PDE1A: variants seen among roughly 807,000 people sequenced by gnomAD.
The protein encoded by PDE1A is phosphodiesterase 1A.
Under a neutral mutation model 61.7 loss-of-function variants are expected in PDE1A, and 35 were observed. The observed-to-expected ratio is 0.57, with a 90% CI of 0.43 to 0.75. The LOEUF is 0.75. Among genes scored for constraint, PDE1A ranks in the 30% least tolerant of loss-of-function variants. PDE1A has a pLI of 0.00. For synonymous variants in PDE1A, 232 were observed against 213.2 expected, an observed-to-expected ratio of 1.09 and a Z score of -0.77; for missense variants, 597 against 630.6, an observed-to-expected ratio of 0.95 and a Z score of 0.57.
At chr2:182,587,905 G>C in the PDE1A span, among the ~76,000 whole-genome samples, 2 of 152,158 alleles carry the variant, frequency 1.3e-5, no homozygotes, top group Non-Finnish European at 2.9e-5. Flanking sequence ...TTTAGCATGA[G>C]AGAGAAAACA....
chr2:182,420,436 C>G (rs16823207), intron 1 of PDE1A, among the ~76,000 whole-genome samples: 5,901 of 152,184 alleles, frequency 0.039, 138 homozygotes, highest in Middle Eastern at 0.071. Flanking sequence ...GACAAAGATA[C>G]AGCCCTACTG....
At chr2:182,341,452 T>C (rs1282669469) in intron 1 of PDE1A, among the ~76,000 whole-genome samples, 1 of 152,234 alleles carries the variant, frequency 6.6e-6, no homozygotes, top group East Asian at 1.9e-4. Flanking sequence ...CCATTGTTAA[T>C]CGTCTTTGTT....
downstream of PDE1A, among the ~76,000 whole-genome samples, chr2:182,165,801 G>A (rs1574532782): frequency 6.6e-6 from 1 of 152,236 alleles, no homozygotes; most frequent in Admixed American, 6.5e-5. Flanking sequence ...ATTTTGTTAA[G>A]AATACATTTG....
At chr2:182,497,143 ATTG>A (rs1219301423) in intron 2 of PDE1A, among the ~76,000 whole-genome samples, 1 of 152,202 alleles carries the variant, frequency 6.6e-6, no homozygotes, top group Non-Finnish European at 1.5e-5. Context: ...TGTATTTATC[ATTG>A]TTATCTCCTA....
the PDE1A span, among the ~76,000 whole-genome samples, chr2:182,627,288 A>AATATATATTATATATAAATAAAAT: frequency 1.0e-5 from 1 of 97,768 alleles, no homozygotes; most frequent in African/African-American, 4.4e-5. Flanking sequence ...ATAAAATATA[A>AATATATATTATATATAAATAAAAT]ATATATATTA....
chr2:182,514,531 T>C (rs1690016156), intron 2 of PDE1A, among the ~76,000 whole-genome samples: 1 of 152,044 alleles, frequency 6.6e-6, no homozygotes, highest in Non-Finnish European at 1.5e-5. Context: ...TATAACCATC[T>C]GATCTCCAAC....
the PDE1A span, among the ~76,000 whole-genome samples, chr2:182,634,387 A>G: frequency 3.3e-5 from 5 of 152,206 alleles, no homozygotes; most frequent in Non-Finnish European, 7.3e-5. Context: ...GTGAAGAGAA[A>G]GCAGCTTTCT....
rs142940623 is a variant in PDE1A at position 182,247,556 on chromosome 2, C to T, written c.168-7264G>A. ...TTCTTACTTATTCATTTTCCCTTTCCCTCGTACCCGCCTTGTACTCTGTGT... is the reference window on the plus strand; with the variant it reads ...TTCTTACTTATTCATTTTCCCTTTCTCTCGTACCCGCCTTGTACTCTGTGT... On this transcript the variant is annotated intron_variant, in intron 2 of 13. Transcript: ENST00000351439. Among the ~76,000 whole-genome samples, 244 of 152,268 alleles carry T rather than the reference C, an allele frequency of 1.6e-3. 3 individuals are homozygous for T. The South Asian group carries it at 0.04, about 25-fold the overall frequency.
chr2:182,401,543 T>C (rs1198370216), intron 1 of PDE1A, among the ~76,000 whole-genome samples: 1 of 152,142 alleles, frequency 6.6e-6, no homozygotes, highest in South Asian at 2.1e-4. Flanking sequence ...GAGCTATTTA[T>C]GAAAAACACA....
intron 1 of PDE1A, among the ~76,000 whole-genome samples, chr2:182,366,773 G>A (rs71427842): frequency 0.016 from 2,394 of 152,078 alleles, 26 homozygotes; most frequent in South Asian, 0.026. Context: ...TTCTGCTAAT[G>A]TTCTTCAGTC....
intron 1 of PDE1A, among the ~76,000 whole-genome samples, chr2:182,322,284 G>A (rs977349551): frequency 3.9e-5 from 6 of 152,134 alleles, no homozygotes; most frequent in African/African-American, 1.4e-4. Context: ...AAGCTGATAT[G>A]GTTTGGCTTT....
At chr2:182,627,041 T>TATATTTAATATATTATTA in the PDE1A span, among the ~76,000 whole-genome samples, 28 of 2,236 alleles carry the variant, frequency 0.013, 7 homozygotes, top group African/African-American at 0.043. Context: ...AATATATATA[T>TATATTTAATATATTATTA]TATTTATATA....
intron 2 of PDE1A, among the ~76,000 whole-genome samples, chr2:182,456,156 CATATT>C (rs1685905538): frequency 6.6e-6 from 1 of 152,008 alleles, no homozygotes; most frequent in Non-Finnish European, 1.5e-5. Flanking sequence ...GGTTCTCTAA[CATATT>C]ATACTAGTTC....
Position 182,508,774 on chromosome 2 carries a change from G to A in PDE1A, c.101+13502C>T, listed in dbSNP as rs185807229. 5.3e-3 allele frequency among the ~76,000 whole-genome samples: 755 copies of A among 141,148 alleles called. 4 individuals are homozygous for A. Among genetic ancestry groups the A allele is most frequent in the Non-Finnish European group, 0.01 (658 of 64,260 alleles). 92.6% of individuals were successfully genotyped at this position (141,148 alleles called of 152,430 possible). A position where few individuals can be genotyped will look rare whatever the true frequency, so the allele number is the denominator to read the frequency against. On this transcript the variant is annotated intron_variant, in intron 2 of 14. Coordinates refer to the PDE1A transcript ENST00000410103. ...TTATTTTTATTTTTTAAAGCTTGTT[G>A]ATTATTTTTATTTTATTTTATTTTA...
intron 2 of PDE1A, among the ~76,000 whole-genome samples, chr2:182,435,485 G>GT (rs1160924067): frequency 2.0e-5 from 3 of 152,164 alleles, no homozygotes; most frequent in East Asian, 3.9e-4. Context: ...AAGCAGTGTG[G>GT]TGTCAGTCAT....
chr2:182,144,616 A>T (rs536013640), downstream of PDE1A, among the ~76,000 whole-genome samples: 2 of 152,296 alleles, frequency 1.3e-5, no homozygotes, highest in South Asian at 4.1e-4. Flanking sequence ...CACATTGAGA[A>T]CAAAGCAGGT....
At chr2:182,479,624 A>T (rs1019705418) in intron 2 of PDE1A, among the ~76,000 whole-genome samples, 2 of 151,844 alleles carry the variant, frequency 1.3e-5, no homozygotes, top group African/African-American at 4.8e-5. Flanking sequence ...TAATGTGCAG[A>T]TTGTGACAAC....
intron 1 of PDE1A, among the ~76,000 whole-genome samples, chr2:182,358,595 A>C (rs1480932808): frequency 1.3e-5 from 2 of 152,158 alleles, no homozygotes; most frequent in Non-Finnish European, 2.9e-5. Context: ...ATGCTATATT[A>C]TAGTTGCATC....
At chr2:182,442,630 A>T (rs1684867692) in intron 2 of PDE1A, among the ~76,000 whole-genome samples, 1 of 152,112 alleles carries the variant, frequency 6.6e-6, no homozygotes, top group African/African-American at 2.4e-5. Flanking sequence ...ACATGAATAA[A>T]GAGAATAAAG....
Sources: allele counts gnomAD v4.1 joint callset (sites outside exome capture counted in the v4.1 genomes callset), GRCh38; gene constraint gnomAD v4.1.1; transcripts MANE v1.5; gene names NCBI Gene and HGNC (gene_info 2026-07-23, HGNC 2026-07-21).